Variants in KIAA1755 observed in about 807,000 individuals in gnomAD.
The protein encoded by KIAA1755 is KIAA1755, also known as uncharacterized protein KIAA1755.
Under a neutral mutation model 91.7 loss-of-function variants are expected in KIAA1755, and 68 were observed. The ratio of observed to expected loss-of-function variants is 0.74; its 90% CI spans 0.61 to 0.91. The LOEUF (loss-of-function observed/expected upper bound fraction) is 0.91, where lower values mean the gene tolerates loss of function less well. KIAA1755 is among the 40% of genes least tolerant of loss of function. The probability of loss-of-function intolerance (pLI) is 0.00; values close to 1 mark genes in which losing one functional copy is unlikely to be tolerated. For missense variants in KIAA1755, 1,535 were observed against 1,494.4 expected, an observed-to-expected ratio of 1.03 and a Z score of -0.45; for synonymous variants, 610 against 604.6, an observed-to-expected ratio of 1.01 and a Z score of -0.13.
chr20:38,230,807 G>T (rs2075847216), intron 5 of KIAA1755, among the ~76,000 whole-genome samples: 1 of 151,712 alleles, frequency 6.6e-6, no homozygotes, highest in African/African-American at 2.4e-5. Flanking sequence ...AGAATCGCTT[G>T]AACCCGGGAG....
chr20:38,243,019 A>T (rs1282723054), intron 2 of KIAA1755, among the ~76,000 whole-genome samples: 2 of 152,224 alleles, frequency 1.3e-5, no homozygotes, highest in Non-Finnish European at 2.9e-5. Context: ...GAGCCTGTCC[A>T]CTGGGCTGTG....
chr20:38,219,666 A>T lies in KIAA1755; in HGVS notation c.2520T>A (p.Arg840=). ...CAGCTTCCAGGCGGCCCAGGCGGAC[A>T]CGGAGCTCCAGCTTCCCCAGGAGGC... ...SNSLLGKLEL[R]VRLGRLEAAI... The change falls in exon 11 of 14, where the codon CGT becomes CGA. Residue 840 remains arginine, a synonymous_variant. Coordinates refer to ENST00000279024, the MANE Select transcript of KIAA1755 (RefSeq NM_001029864.2). 1 of 1,614,088 alleles carries T rather than the reference A, an allele frequency of 6.2e-7. No homozygotes were observed. The highest frequency in any genetic ancestry group is 2.2e-5 in the East Asian group (1 of 44,884).
At chr20:38,216,542 G>A (rs1477938677) in intron 13 of KIAA1755, among the ~76,000 whole-genome samples, 4 of 152,238 alleles carry the variant, frequency 2.6e-5, no homozygotes, top group Admixed American at 2.6e-4. Flanking sequence ...GGGGGTCCCT[G>A]TCCCAGCTGG....
At chr20:38,248,820 C>T (rs909317487) in intron 1 of KIAA1755, among the ~76,000 whole-genome samples, 7 of 151,426 alleles carry the variant, frequency 4.6e-5, no homozygotes, top group African/African-American at 7.3e-5. Context: ...TGCCTCAGCC[C>T]GAGTAGCTGG....
intron 1 of KIAA1755, among the ~76,000 whole-genome samples, chr20:38,250,445 C>G (rs1191607401): frequency 6.6e-6 from 1 of 150,834 alleles, no homozygotes; most frequent in Admixed American, 6.6e-5. Context: ...AGAGCCATCA[C>G]TACAATTTCT....
At chr20:38,258,647 G>A (rs927386360) in intron 1 of KIAA1755, among the ~76,000 whole-genome samples, 12 of 152,130 alleles carry the variant, frequency 7.9e-5, no homozygotes, top group Admixed American at 2.6e-4. Flanking sequence ...AATTCATTAG[G>A]TGAAGGTATT....
At position 38,212,890 on chromosome 20, in the gene KIAA1755, C is replaced by T. The variant is rs921474446; in HGVS notation, c.*152G>A. ...GAGTTTTCTGGAGCCAGGGGCAGGT[C>T]GACAGTTCTCATCCTCCCAGCAGAG... On this transcript the variant is annotated 3_prime_UTR_variant, in exon 14 of 14. Transcript: ENST00000279024. 1.5e-5 allele frequency: 9 copies of T among 602,004 alleles called. No homozygotes were observed. The highest frequency in any genetic ancestry group is 4.6e-4 in the Middle Eastern group (1 of 2,190). The allele number at this position is 602,004 out of a possible 1,614,324, so 37.3% of individuals were successfully genotyped here. A position where few individuals can be genotyped will look rare whatever the true frequency, so the allele number is the denominator to read the frequency against.
At position 38,211,154 on chromosome 20, in the gene KIAA1755, A is replaced by G. The variant is rs993810960; in HGVS notation, c.*1888T>C. The G allele has an allele frequency of 9.9e-5, 15 of 152,162 alleles. No homozygotes were observed. The highest frequency in any genetic ancestry group is 3.6e-4 in the African/African-American group (15 of 41,438). 9.4% of individuals were successfully genotyped at this position (152,162 alleles called of 1,614,324 possible). A position where few individuals can be genotyped will look rare whatever the true frequency, so the allele number is the denominator to read the frequency against. ...TGGCTCTGAGGCAGGCAGGCCCTAG[A>G]CCACACCTGGGGAAGTCTTCAGTCT... On this transcript the variant is annotated 3_prime_UTR_variant, in exon 14 of 14. Transcript: ENST00000279024.
intron 11 of KIAA1755, among the ~76,000 whole-genome samples, chr20:38,219,096 C>T (rs983662728): frequency 6.6e-6 from 1 of 152,134 alleles, no homozygotes; most frequent in Non-Finnish European, 1.5e-5. Flanking sequence ...TCCAGGGCCA[C>T]ACCACGAGTA....
chr20:38,240,499 A>G, intron 3 of KIAA1755, 83 bp downstream of exon 3: 1 of 1,369,658 alleles, frequency 7.3e-7, no homozygotes, highest in Non-Finnish European at 9.6e-7. Context: ...GGTGGTCTCT[A>G]TCACTTACAA....
chr20:38,234,480 G>A (rs968951277), intron 4 of KIAA1755, among the ~76,000 whole-genome samples: 3 of 152,200 alleles, frequency 2.0e-5, no homozygotes, highest in Admixed American at 6.5e-5. Context: ...TCAGCACAAG[G>A]CTGGATAATC....
At position 38,241,583 on chromosome 20, in the gene KIAA1755, C is replaced by A; in HGVS notation, c.548G>T (p.Ser183Ile). Reference sequence around the variant, plus strand: ...GGGTCTGTCATCCACAAACTCTGGGCTGGTTATCTTGGTCCAAGGCACAGG... The same window carrying A: ...GGGTCTGTCATCCACAAACTCTGGGATGGTTATCTTGGTCCAAGGCACAGG... ...IAPVPWTKIT[S>I]PEFVDDRPQV... The change falls in exon 3 of 14, where the codon AGC becomes ATC. Residue 183 changes from serine (S) to isoleucine (I), a missense_variant. Physicochemically the swap from Ser to Ile is moderately radical, Grantham distance 142 (BLOSUM62 -2). Transcript: ENST00000279024. The A allele has an allele frequency of 6.2e-7, 1 of 1,614,220 alleles. No homozygotes were observed. Among genetic ancestry groups the A allele is most frequent in the Non-Finnish European group, 8.5e-7 (1 of 1,180,034 alleles).
chr20:38,251,226 C>T (rs921393797), intron 1 of KIAA1755, among the ~76,000 whole-genome samples: 1 of 152,148 alleles, frequency 6.6e-6, no homozygotes, highest in Non-Finnish European at 1.5e-5. Flanking sequence ...CTCTTTCTCC[C>T]AAATGCATCA....
intron 1 of KIAA1755, among the ~76,000 whole-genome samples, chr20:38,252,488 C>T (rs531454484): frequency 6.6e-6 from 1 of 152,274 alleles, no homozygotes; most frequent in East Asian, 1.9e-4. Context: ...GCTGATCTTG[C>T]CCAAGACCGC....
At chr20:38,223,404 A>T in intron 9 of KIAA1755, 134 bp downstream of exon 9, 1 of 620,228 alleles carries the variant, frequency 1.6e-6, no homozygotes. Flanking sequence ...CCCCTCAAAT[A>T]TGAGTCAAAT....
Position 38,240,967 on chromosome 20 carries a change from C to G in KIAA1755, c.1164G>C (p.Arg388Ser). 6.2e-7 allele frequency: 1 copy of G among 1,614,092 alleles called. No homozygotes were observed. The highest frequency in any genetic ancestry group is 8.5e-7 in the Non-Finnish European group (1 of 1,180,018). ...EDALDCASGLRAGVSQEPAAS... is the reference protein window; with the variant it reads ...EDALDCASGLSAGVSQEPAAS... ...CAGCTGGCTCTTGTGAGACACCTGC[C>G]CTGAGACCAGAGGCACAGTCCAGTG... is the stretch of plus-strand genomic sequence containing the variant. Residue 388 changes from arginine to serine, a missense_variant, in exon 3 of 14, where the codon AGG becomes AGC. Physicochemically the swap from Arg to Ser is moderately radical, Grantham distance 110 (BLOSUM62 -1). Coordinates refer to ENST00000279024, the MANE Select transcript of KIAA1755 (RefSeq NM_001029864.2).
In KIAA1755 at chr20:38,222,342, C is replaced by T. The variant is rs561282999; in HGVS notation, c.2417+107G>A. The T allele has an allele frequency of 2.1e-4, 254 of 1,217,618 alleles. 2 individuals carry two copies. The African/African-American group carries it at 3.4e-3, about 16-fold the overall frequency. The allele number at this position is 1,217,618 out of a possible 1,614,324, so 75.4% of individuals were successfully genotyped here. A position where few individuals can be genotyped will look rare whatever the true frequency, so the allele number is the denominator to read the frequency against. On this transcript the variant is annotated intron_variant, in intron 10 of 13. Coordinates refer to ENST00000279024, the MANE Select transcript of KIAA1755 (RefSeq NM_001029864.2). ...GCCCTGCAACTACTGCAAAGCTGGGCGCCCTCGGGGCTCAGCTATGTGTGC... is the reference window on the plus strand; with the variant it reads ...GCCCTGCAACTACTGCAAAGCTGGGTGCCCTCGGGGCTCAGCTATGTGTGC...
chr20:38,238,063 C>T (rs911412918), intron 4 of KIAA1755, among the ~76,000 whole-genome samples: 2 of 152,068 alleles, frequency 1.3e-5, no homozygotes, highest in Admixed American at 1.3e-4. Flanking sequence ...GTCTATTCTC[C>T]TCCTCTCAAG....
chr20:38,260,197 C>T, intron 1 of KIAA1755: 1 of 1,436,688 alleles, frequency 7.0e-7, no homozygotes, highest in Non-Finnish European at 9.2e-7. Flanking sequence ...TTTCAGCCCT[C>T]AGCCTCAGGG....
Sources: gnomAD v4.1 joint callset for allele counts (sites outside exome capture counted in the v4.1 genomes callset) on GRCh38, gnomAD v4.1.1 for gene constraint, MANE v1.5 for transcripts, NCBI Gene and HGNC (gene_info 2026-07-23, HGNC 2026-07-21) for gene names.